The following TMEM132D variants were observed in gnomAD, a reference collection of about 807,000 sequenced individuals.
The protein encoded by TMEM132D is mature OL transmembrane protein.
Under a neutral mutation model 62.3 loss-of-function variants are expected in TMEM132D, and 21 were observed. That is an observed-to-expected ratio of 0.34 (90% confidence interval 0.24 to 0.49). The LOEUF is 0.49. Among genes scored for constraint, TMEM132D ranks in the 20% least tolerant of loss-of-function variants. The pLI is 0.99. For missense variants in TMEM132D, 1,346 were observed against 1,402.8 expected (o/e 0.96, Z 0.65); for synonymous variants, 621 against 575.6 (o/e 1.08, Z -1.13).
chr12:129,567,681 T>C (rs575958288), intron 2 of TMEM132D, among the ~76,000 whole-genome samples: 57 of 152,324 alleles, frequency 3.7e-4, no homozygotes, highest in Middle Eastern at 3.4e-3. Flanking sequence ...GGGGATATAA[T>C]TGTTTTTCAT....
chr12:129,159,043 C>T (rs1433158270), intron 5 of TMEM132D, among the ~76,000 whole-genome samples: 2 of 152,218 alleles, frequency 1.3e-5, no homozygotes, highest in African/African-American at 2.4e-5. Context: ...TAGGTCCCTC[C>T]TCTGACATGT....
chr12:129,140,535 A>G (rs1178879100), intron 5 of TMEM132D, among the ~76,000 whole-genome samples: 1 of 151,960 alleles, frequency 6.6e-6, no homozygotes, highest in Non-Finnish European at 1.5e-5. Flanking sequence ...CTTCTTTCAC[A>G]TTGCATAGTG....
chr12:129,431,166 C>G (rs878943219), intron 3 of TMEM132D, among the ~76,000 whole-genome samples: 1 of 152,242 alleles, frequency 6.6e-6, no homozygotes, highest in Admixed American at 6.5e-5. Flanking sequence ...TTAGTTCTCA[C>G]AAGTAGCCCT....
intron 3 of TMEM132D, among the ~76,000 whole-genome samples, chr12:129,406,199 G>A (rs1427600505): frequency 6.6e-6 from 1 of 152,170 alleles, no homozygotes; most frequent in Non-Finnish European, 1.5e-5. Flanking sequence ...CATTCACCAA[G>A]TGAATGAGAC....
chr12:129,669,258 G>A (rs1376211804), intron 2 of TMEM132D, among the ~76,000 whole-genome samples: 3 of 152,142 alleles, frequency 2.0e-5, no homozygotes, highest in Non-Finnish European at 4.4e-5. Context: ...TAAAAATGGG[G>A]ACTGGAGAGA....
chr12:129,582,401 T>C (rs543216167), intron 2 of TMEM132D, among the ~76,000 whole-genome samples: 1 of 152,312 alleles, frequency 6.6e-6, no homozygotes, highest in South Asian at 2.1e-4. Context: ...GACCCAGGGT[T>C]ACAAGTAACT....
At chr12:129,247,117 A>C (rs189097934) in intron 4 of TMEM132D, among the ~76,000 whole-genome samples, 1 of 152,330 alleles carries the variant, frequency 6.6e-6, no homozygotes, top group Non-Finnish European at 1.5e-5. Flanking sequence ...TGCAAAGTAT[A>C]TATCGGGATA....
At chr12:129,248,031 T>TTG (rs1285473042) in intron 4 of TMEM132D, among the ~76,000 whole-genome samples, 6 of 152,158 alleles carry the variant, frequency 3.9e-5, no homozygotes, top group African/African-American at 1.4e-4. Context: ...AAGCCAAAGC[T>TTG]ATCATTGTTC....
intron 5 of TMEM132D, among the ~76,000 whole-genome samples, chr12:129,117,794 C>A (rs1200670837): frequency 6.6e-6 from 1 of 152,094 alleles, no homozygotes; most frequent in Non-Finnish European, 1.5e-5. Context: ...ATTCACAAAG[C>A]TTTGTCATAT....
At chr12:129,721,481 A>C (rs191510033) in intron 1 of TMEM132D, among the ~76,000 whole-genome samples, 2 of 152,302 alleles carry the variant, frequency 1.3e-5, no homozygotes, top group East Asian at 3.9e-4. Context: ...AGCTTCACCA[A>C]TGCTAGAAGG....
intron 2 of TMEM132D, among the ~76,000 whole-genome samples, chr12:129,607,301 C>T (rs957784852): frequency 4.6e-5 from 7 of 152,006 alleles, no homozygotes; most frequent in African/African-American, 1.5e-4. Flanking sequence ...CAGTGGGTCA[C>T]GCAGAGTGGG....
chr12:129,103,195 A>T (rs1875372213), intron 5 of TMEM132D, among the ~76,000 whole-genome samples: 1 of 152,042 alleles, frequency 6.6e-6, no homozygotes, highest in South Asian at 2.1e-4. Flanking sequence ...AAGAGGAGGG[A>T]TTTGCTCCTT....
intron 3 of TMEM132D, among the ~76,000 whole-genome samples, chr12:129,501,333 A>G (rs1257729699): frequency 6.6e-6 from 1 of 152,152 alleles, no homozygotes; most frequent in Non-Finnish European, 1.5e-5. Flanking sequence ...GCTGCTAAGA[A>G]AAGTAGCTTA....
intron 2 of TMEM132D, among the ~76,000 whole-genome samples, chr12:129,580,490 C>T (rs1256204669): frequency 6.6e-6 from 1 of 152,148 alleles, no homozygotes; most frequent in Non-Finnish European, 1.5e-5. Context: ...CAGATGTCTA[C>T]ATCTTTTTAG....
intron 1 of TMEM132D, among the ~76,000 whole-genome samples, chr12:129,822,640 T>A (rs1335392974): frequency 1.3e-5 from 2 of 152,140 alleles, no homozygotes; most frequent in African/African-American, 2.4e-5. Flanking sequence ...TGACTCACAG[T>A]TCCACACGGC....
At chr12:129,791,675 C>T (rs1296104678) in intron 1 of TMEM132D, among the ~76,000 whole-genome samples, 2 of 152,088 alleles carry the variant, frequency 1.3e-5, no homozygotes, top group Admixed American at 6.6e-5. Flanking sequence ...GTCACCAATC[C>T]GCGCTTCTCC....
intron 1 of TMEM132D, among the ~76,000 whole-genome samples, chr12:129,778,294 C>T (rs1021822632): frequency 2.0e-5 from 3 of 152,090 alleles, no homozygotes; most frequent in Admixed American, 1.3e-4. Context: ...TGTGCCAGCC[C>T]GACTCTCATA....
chr12:129,778,351 G>A (rs1302439745), intron 1 of TMEM132D, among the ~76,000 whole-genome samples: 1 of 151,926 alleles, frequency 6.6e-6, no homozygotes, highest in African/African-American at 2.4e-5. Flanking sequence ...AACAACCCAG[G>A]GTATACTTTT....
chr12:129,514,072 C>T (rs1388406350), intron 3 of TMEM132D, among the ~76,000 whole-genome samples: 1 of 151,350 alleles, frequency 6.6e-6, no homozygotes, highest in Non-Finnish European at 1.5e-5. Context: ...ATCCCCTGAC[C>T]TTGTGATCCG....
Sources: allele counts gnomAD v4.1 joint callset (sites outside exome capture counted in the v4.1 genomes callset), GRCh38; gene constraint gnomAD v4.1.1; transcripts MANE v1.5; gene names NCBI Gene and HGNC (gene_info 2026-07-23, HGNC 2026-07-21).